The following CNTN5 variants were observed in gnomAD, a reference collection of about 807,000 sequenced individuals.
CNTN5 encodes contactin-5.
Under a neutral mutation model 129.1 loss-of-function variants are expected in CNTN5, and 77 were observed. The ratio of observed to expected loss-of-function variants is 0.60; its 90% confidence interval spans 0.50 to 0.72. The LOEUF (loss-of-function observed/expected upper bound fraction) is 0.72. Ranked by LOEUF, CNTN5 falls within the 30% of genes least tolerant of loss-of-function variation. CNTN5 has a pLI of 0.00. For missense variants in CNTN5, 1,478 were observed against 1,328.8 expected (o/e 1.11, Z -1.75); for synonymous variants, 509 against 465.6 (o/e 1.09, Z -1.20).
At chr11:99,450,452 T>C (rs2656170) in intron 2 of CNTN5, among the ~76,000 whole-genome samples, 146,447 of 152,198 alleles carry the variant, frequency 0.96, 70,740 homozygotes, top group East Asian at 1. Flanking sequence ...CCATTGTCCT[T>C]AGGGGAAGAA....
chr11:99,526,504 T>G (rs1457769114), intron 2 of CNTN5, among the ~76,000 whole-genome samples: 1 of 152,244 alleles, frequency 6.6e-6, no homozygotes, highest in East Asian at 1.9e-4. Flanking sequence ...GGGATTTTTT[T>G]GTATTCCTTG....
At chr11:100,200,698 C>T (rs560221262) in intron 15 of CNTN5, among the ~76,000 whole-genome samples, 1 of 151,588 alleles carries the variant, frequency 6.6e-6, no homozygotes, top group South Asian at 2.1e-4. Context: ...ATAAGAGTAC[C>T]GTAATTCCCA....
intron 16 of CNTN5, among the ~76,000 whole-genome samples, chr11:100,253,762 G>A (rs935084622): frequency 5.3e-5 from 8 of 152,006 alleles, no homozygotes; most frequent in Admixed American, 6.6e-5. Context: ...GATATTGGGT[G>A]ATGCAATAGA....
intron 3 of CNTN5, among the ~76,000 whole-genome samples, chr11:99,641,306 C>T (rs1690809): frequency 0.6 from 91,360 of 151,926 alleles, 28,310 homozygotes; most frequent in Admixed American, 0.69. Context: ...ACTACCTGAA[C>T]AGTGAGGATC....
At chr11:99,471,005 G>T (rs563555294) in intron 2 of CNTN5, among the ~76,000 whole-genome samples, 70 of 152,108 alleles carry the variant, frequency 4.6e-4, no homozygotes, top group African/African-American at 1.6e-3. Flanking sequence ...ACACTTTCAG[G>T]TCTGGGTTCA....
At chr11:100,091,312 A>G (rs1480228456) in intron 13 of CNTN5, among the ~76,000 whole-genome samples, 1 of 151,018 alleles carries the variant, frequency 6.6e-6, no homozygotes, top group Non-Finnish European at 1.5e-5. Flanking sequence ...CTGACCCTCT[A>G]TCTGAAATTA....
intron 3 of CNTN5, among the ~76,000 whole-genome samples, chr11:99,724,966 G>T (rs533247074): frequency 6.6e-6 from 1 of 152,086 alleles, no homozygotes; most frequent in Non-Finnish European, 1.5e-5. Context: ...GATTTTTTGC[G>T]CCAATGCTAA....
chr11:99,950,907 C>T (rs1230464914), intron 7 of CNTN5, among the ~76,000 whole-genome samples: 3 of 151,942 alleles, frequency 2.0e-5, no homozygotes, highest in African/African-American at 7.3e-5. Flanking sequence ...TTTAATTTTC[C>T]CTCTGACTCT....
intron 2 of CNTN5, among the ~76,000 whole-genome samples, chr11:99,477,784 T>TA (rs371689469): frequency 0.034 from 4,674 of 136,854 alleles, 230 homozygotes; most frequent in African/African-American, 0.11. Context: ...ACCCCATCTC[T>TA]AAAAAAAAAA....
In CNTN5 at chr11:99,284,544, C is replaced by G. The variant is rs1486806538; in HGVS notation, c.-209-40802C>G. ...AGTGGTCTATTTAGGACCTTAGGAA[C>G]TCAGCTTTCCTTTGATAATTATTTC... On this transcript the variant is annotated intron_variant, in intron 1 of 24. Transcript: ENST00000524871. Among the ~76,000 whole-genome samples, 4 of 150,598 alleles carry G rather than the reference C, an allele frequency of 2.7e-5. No individual in the cohort carries two copies. The East Asian group carries it at 7.8e-4, about 30-fold the overall frequency.
At chr11:100,025,255 G>A (rs1941361536) in intron 9 of CNTN5, among the ~76,000 whole-genome samples, 1 of 152,244 alleles carries the variant, frequency 6.6e-6, no homozygotes, top group African/African-American at 2.4e-5. Context: ...AAGCCTTGGT[G>A]GCTTACACAT....
chr11:100,163,173 C>A (rs866368766), intron 13 of CNTN5, among the ~76,000 whole-genome samples: 3 of 151,792 alleles, frequency 2.0e-5, no homozygotes, highest in Non-Finnish European at 1.5e-5. Context: ...TTAGACATGA[C>A]CTTTGTTAAC....
At chr11:99,929,527 G>T (rs117876229) in intron 7 of CNTN5, among the ~76,000 whole-genome samples, 8,135 of 152,226 alleles carry the variant, frequency 0.053, 298 homozygotes, top group Middle Eastern at 0.099. Flanking sequence ...TGCAGGGCTG[G>T]GGAGGCCTCC....
intron 9 of CNTN5, among the ~76,000 whole-genome samples, chr11:100,056,037 A>G (rs1943206914): frequency 6.6e-6 from 1 of 151,636 alleles, no homozygotes; most frequent in South Asian, 2.1e-4. Context: ...TTTTGGAAAT[A>G]TTCTCTTCAA....
intron 13 of CNTN5, among the ~76,000 whole-genome samples, chr11:100,135,482 A>G (rs1946495659): frequency 6.6e-6 from 1 of 152,016 alleles, no homozygotes; most frequent in Non-Finnish European, 1.5e-5. Context: ...GCCAGAAAAG[A>G]TTTTTTAAAA....
intron 4 of CNTN5, among the ~76,000 whole-genome samples, chr11:99,820,249 T>C (rs1373256915): frequency 2.6e-5 from 4 of 152,412 alleles, no homozygotes; most frequent in African/African-American, 7.2e-5. Context: ...AATACTCTCG[T>C]AGAATGAAAG....
At chr11:99,442,182 T>A (rs1504730) in intron 2 of CNTN5, among the ~76,000 whole-genome samples, 81,902 of 150,368 alleles carry the variant, frequency 0.54, 23,169 homozygotes, top group Middle Eastern at 0.7. Flanking sequence ...CTATATATAT[T>A]TTTTTTTTAA....
intron 3 of CNTN5, among the ~76,000 whole-genome samples, chr11:99,778,301 G>C (rs1945195261): frequency 6.6e-6 from 1 of 151,682 alleles, no homozygotes; most frequent in South Asian, 2.1e-4. Context: ...TTGTCATCTT[G>C]ATCAATATTG....
intron 1 of CNTN5, among the ~76,000 whole-genome samples, chr11:99,090,335 G>T (rs1447967620): frequency 6.6e-6 from 1 of 152,114 alleles, no homozygotes; most frequent in Non-Finnish European, 1.5e-5. Flanking sequence ...TTATAAAACA[G>T]AAAGGCAGTA....
Sources: allele counts gnomAD v4.1 joint callset (sites outside exome capture counted in the v4.1 genomes callset), GRCh38; gene constraint gnomAD v4.1.1; transcripts MANE v1.5; gene names NCBI Gene and HGNC (gene_info 2026-07-23, HGNC 2026-07-21).